Variants in KIF26B observed in about 807,000 individuals in gnomAD.
The protein encoded by KIF26B is kinesin family member 26B.
Under a neutral mutation model 151.2 loss-of-function variants are expected in KIF26B, and 63 were observed. That is an observed-to-expected ratio of 0.42 (90% confidence interval 0.34 to 0.51). The LOEUF (loss-of-function observed/expected upper bound fraction) is 0.51. Among genes scored for constraint, KIF26B ranks in the 20% least tolerant of loss-of-function variants. The probability of loss-of-function intolerance (pLI) is 0.07; values close to 1 mark genes in which losing one functional copy is unlikely to be tolerated. For synonymous variants in KIF26B, 1,357 were observed against 1,262.1 expected, an observed-to-expected ratio of 1.08 and a Z score of -1.59; for missense variants, 2,813 against 2,913.6, an observed-to-expected ratio of 0.97 and a Z score of 0.79.
At chr1:245,561,969 A>G (rs2042958652) in intron 5 of KIF26B, among the ~76,000 whole-genome samples, 1 of 152,116 alleles carries the variant, frequency 6.6e-6, no homozygotes, top group Non-Finnish European at 1.5e-5. Context: ...CTTGCTGTGG[A>G]TGCTGAAGGG....
At chr1:245,278,056 TG>T (rs1670970180) in intron 2 of KIF26B, among the ~76,000 whole-genome samples, 1 of 152,010 alleles carries the variant, frequency 6.6e-6, no homozygotes, top group African/African-American at 2.4e-5. Flanking sequence ...TGAGTAAAAG[TG>T]GGCAGGCAGG....
chr1:245,362,536 C>CAA (rs36022021), intron 2 of KIF26B, among the ~76,000 whole-genome samples: 2,132 of 140,002 alleles, frequency 0.015, 19 homozygotes, highest in Non-Finnish European at 0.024. Flanking sequence ...GACTCCATCT[C>CAA]AAAAAAAAAA....
At chr1:245,312,880 G>A (rs1671689510) in intron 2 of KIF26B, among the ~76,000 whole-genome samples, 2 of 152,156 alleles carry the variant, frequency 1.3e-5, no homozygotes, top group African/African-American at 4.8e-5. Context: ...GATGGATACT[G>A]GCCGGGCGCC....
At chr1:245,436,498 G>A (rs1338110478) in intron 4 of KIF26B, among the ~76,000 whole-genome samples, 1 of 152,208 alleles carries the variant, frequency 6.6e-6, no homozygotes, top group Admixed American at 6.5e-5. Flanking sequence ...TCATGTGATC[G>A]TGGGGGTTGG....
At chr1:245,249,983 A>G (rs1670412033) in intron 2 of KIF26B, among the ~76,000 whole-genome samples, 1 of 152,204 alleles carries the variant, frequency 6.6e-6, no homozygotes, top group Admixed American at 6.5e-5. Flanking sequence ...TTATCCTCCA[A>G]ATATCTATCA....
intron 2 of KIF26B, among the ~76,000 whole-genome samples, chr1:245,331,281 T>TG (rs1672110794): frequency 6.6e-6 from 1 of 151,468 alleles, no homozygotes; most frequent in Non-Finnish European, 1.5e-5. Flanking sequence ...GTTGTGGGGG[T>TG]GCTGAGCCAG....
In KIF26B at chr1:245,607,553, G is replaced by A. The variant is rs2043469017; in HGVS notation, c.1558-98G>A. 3 of 922,098 alleles carry A rather than the reference G, an allele frequency of 3.3e-6. No homozygotes were observed. In the East Asian group the frequency reaches 8.2e-5, roughly 25 times the overall value. The allele number at this position is 922,098 out of a possible 1,614,324, so 57.1% of individuals were successfully genotyped here. A position where few individuals can be genotyped will look rare whatever the true frequency, so the allele number is the denominator to read the frequency against. ...CCCACCTGGGAACACAGTGACACTG[G>A]GACCCGAAGCCCCAGGAAGGTGGGC... On this transcript the variant is annotated intron_variant, in intron 6 of 14. Coordinates refer to ENST00000407071, the MANE Select transcript of KIF26B (RefSeq NM_018012.4).
At chr1:245,443,463 C>T (rs1409311060) in intron 4 of KIF26B, among the ~76,000 whole-genome samples, 1 of 96,790 alleles carries the variant, frequency 1.0e-5, no homozygotes, top group African/African-American at 3.8e-5. Flanking sequence ...TCACCTAGAG[C>T]GGTCATCTCC....
At chr1:245,634,634 T>G (rs1053411007) in intron 9 of KIF26B, among the ~76,000 whole-genome samples, 1 of 152,152 alleles carries the variant, frequency 6.6e-6, no homozygotes, top group Admixed American at 6.6e-5. Context: ...TTGATTAGGT[T>G]TTTTTTGTTA....
chr1:245,701,826 G>A (rs113943999), intron 14 of KIF26B, among the ~76,000 whole-genome samples: 2 of 152,088 alleles, frequency 1.3e-5, no homozygotes, highest in Non-Finnish European at 2.9e-5. Flanking sequence ...TCTCCTCCTC[G>A]TACTGGGAGC....
chr1:245,247,004 G>A (rs942104523), intron 2 of KIF26B, among the ~76,000 whole-genome samples: 11 of 151,604 alleles, frequency 7.3e-5, no homozygotes, highest in Non-Finnish European at 1.6e-4. Context: ...AAAGCAACAT[G>A]TCACCACATT....
At chr1:245,245,412 T>C (rs1670309014) in intron 2 of KIF26B, among the ~76,000 whole-genome samples, 1 of 152,200 alleles carries the variant, frequency 6.6e-6, no homozygotes, top group African/African-American at 2.4e-5. Flanking sequence ...GATTTCAGTT[T>C]CCTGGAACAT....
intron 4 of KIF26B, among the ~76,000 whole-genome samples, chr1:245,450,967 G>T (rs1659376595): frequency 6.6e-6 from 1 of 152,030 alleles, no homozygotes; most frequent in Non-Finnish European, 1.5e-5. Flanking sequence ...ACTGCTTTGG[G>T]GTGTGTCTTC....
intron 4 of KIF26B, among the ~76,000 whole-genome samples, chr1:245,523,535 A>G (rs1661177643): frequency 6.6e-6 from 1 of 152,226 alleles, no homozygotes; most frequent in African/African-American, 2.4e-5. Flanking sequence ...GAGGCCGAGA[A>G]GTTAAAGATC....
intron 5 of KIF26B, among the ~76,000 whole-genome samples, chr1:245,556,341 T>C (rs56266114): frequency 8.4e-5 from 11 of 131,194 alleles, no homozygotes; most frequent in Admixed American, 2.2e-4. Context: ...TCTTCCTCCT[T>C]CCTCCCTCCT....
intron 2 of KIF26B, among the ~76,000 whole-genome samples, chr1:245,238,885 C>A (rs1670162230): frequency 1.3e-5 from 2 of 151,672 alleles, no homozygotes. Flanking sequence ...AACAAAAAAA[C>A]CCCAATTGAT....
intron 2 of KIF26B, among the ~76,000 whole-genome samples, chr1:245,229,867 G>A (rs1280228348): frequency 1.3e-5 from 2 of 152,234 alleles, no homozygotes; most frequent in African/African-American, 4.8e-5. Context: ...GGGTTCGGTG[G>A]CTCACGCCTG....
At chr1:245,357,258 T>C (rs1672720357) in intron 2 of KIF26B, among the ~76,000 whole-genome samples, 1 of 152,230 alleles carries the variant, frequency 6.6e-6, no homozygotes, top group Non-Finnish European at 1.5e-5. Flanking sequence ...GTCTGTTTTC[T>C]TGAGAGTGGA....
intron 10 of KIF26B, among the ~76,000 whole-genome samples, chr1:245,662,977 T>TC (rs2044173566): frequency 1.3e-5 from 2 of 151,426 alleles, no homozygotes; most frequent in Admixed American, 6.6e-5. Context: ...TTTTTTTTTT[T>TC]TCTCTCTTAT....
Sources: allele counts gnomAD v4.1 joint callset (sites outside exome capture counted in the v4.1 genomes callset), GRCh38; gene constraint gnomAD v4.1.1; transcripts MANE v1.5; gene names NCBI Gene and HGNC (gene_info 2026-07-23, HGNC 2026-07-21).